Variants in CHRD observed in about 807,000 individuals in gnomAD.
The protein encoded by CHRD is chordin.
Under a neutral mutation model 113.7 loss-of-function variants are expected in CHRD, and 69 were observed. That is an observed-to-expected ratio of 0.61 (90% confidence interval 0.50 to 0.74). The LOEUF (loss-of-function observed/expected upper bound fraction) is 0.74. Among genes scored for constraint, CHRD ranks in the 30% least tolerant of loss-of-function variants. The pLI is 0.00. For synonymous variants in CHRD, 561 were observed against 540.8 expected (o/e 1.04, Z -0.52); for missense variants, 1,194 against 1,295.8 (o/e 0.92, Z 1.21).
At position 184,387,521 on chromosome 3, in the gene CHRD, C is replaced by G; in HGVS notation, c.2451+44C>G. ...CTCTGGTGCCATAACCCAGCGGGGT[C>G]TGCAGAGATGGGGAGGGGCTGCCAG... On this transcript the variant is annotated intron_variant, in intron 19 of 22. Coordinates refer to ENST00000204604, the Ensembl canonical transcript of CHRD. This position sits in a 1 kb window ranked among gnomAD's most constrained non-coding sequence, Gnocchi z 6.1. 1.3e-6 allele frequency: 2 copies of G among 1,526,948 alleles called. No individual in the cohort carries two copies. The highest frequency in any genetic ancestry group is 8.8e-7 in the Non-Finnish European group (1 of 1,132,908). The allele number at this position is 1,526,948 out of a possible 1,614,324, so 94.6% of individuals were successfully genotyped here.
At chr3:184,383,487 C>T (rs1715796916) in intron 11 of CHRD, 36 bp from the exon 12 acceptor site, 1 of 1,613,460 alleles carries the variant, frequency 6.2e-7, no homozygotes, top group Non-Finnish European at 8.5e-7. Context: ...CCTTTACTGC[C>T]TCTCCACTTT....
rs767049939 is a variant in CHRD at position 184,381,782 on chromosome 3, G to A, written c.578G>A (p.Arg193His). 4 of 1,613,270 alleles carry A rather than the reference G, an allele frequency of 2.5e-6. No homozygotes were observed. The highest frequency in any genetic ancestry group is 1.3e-5 in the African/African-American group (1 of 75,060). ...GCACGAGCCCGAGTCTCGCTGCTGC[G>A]CTCTAGCCTCCGCTTCTCTATCTCC... The change falls in exon 5 of 23, where the codon CGC (arginine) becomes CAC (histidine). Residue 193 changes from arginine to histidine, a missense_variant. Coordinates refer to ENST00000204604, the Ensembl canonical transcript of CHRD. This position sits in a 1 kb window ranked among gnomAD's most constrained non-coding sequence, Gnocchi z 4.7.
chr3:184,387,429 C>T lies in CHRD; in HGVS notation c.2403C>T (p.Pro801=), dbSNP rs144610754. ...GGGCAGCGGGTACGCGGTGGCACCC[C>T]GTTGTGCCCCCCTTTGGCTTAATTA... is the stretch of plus-strand genomic sequence containing the variant. Residue 801 remains proline (P), a synonymous_variant, in exon 19 of 23, where the codon CCC becomes CCT. Coordinates refer to ENST00000204604, the Ensembl canonical transcript of CHRD. This position sits in a 1 kb window ranked among gnomAD's most constrained non-coding sequence, Gnocchi z 6.1. 12 of 1,612,784 alleles carry T rather than the reference C, an allele frequency of 7.4e-6. No homozygotes were observed. The highest frequency in any genetic ancestry group is 5.3e-5 in the African/African-American group (4 of 74,856).
intron 14 of CHRD, among the ~76,000 whole-genome samples, chr3:184,385,482 C>T (rs1716130965): frequency 6.6e-6 from 1 of 152,012 alleles, no homozygotes; most frequent in African/African-American, 2.4e-5. Context: ...GCCTGACCAA[C>T]ATGGAGAAAC....
At chr3:184,389,435 G>C (rs1333274811) in exon 23 of CHRD, 1 of 1,612,644 alleles carries the variant, frequency 6.2e-7, no homozygotes, top group Non-Finnish European at 8.5e-7. Context: ...AGCAGCCAGA[G>C]GGCCAAGTGA....
Position 184,381,614 on chromosome 3 carries a change from C to A in CHRD, c.501C>A (p.Asp167Glu). Residue 167 changes from aspartate (D) to glutamate (E), a missense_variant, in exon 4 of 23, where the codon GAC becomes GAA. Coordinates refer to ENST00000204604, the Ensembl canonical transcript of CHRD. The surrounding 1 kb of genome is among the most constrained non-coding windows in gnomAD (Gnocchi z 4.7). ...GCGCTGAGGAGCGGGCCCGTGGTGACGGCCACACGGGTAGGGGGCTGGCGA... is the reference window on the plus strand; with the variant it reads ...GCGCTGAGGAGCGGGCCCGTGGTGAAGGCCACACGGGTAGGGGGCTGGCGA... 1 of 1,605,880 alleles carries A rather than the reference C, an allele frequency of 6.2e-7. No homozygotes were observed. The highest frequency in any genetic ancestry group is 8.5e-7 in the Non-Finnish European group (1 of 1,176,090).
chr3:184,385,234 CAGAGGTA>C lies in CHRD; in HGVS notation c.1817_1818+5del. ...CGGCTGCTGAAGGGATTCTATGGCT[CAGAGGTA>C]AGGATGTGATGGTAGGCGGCAGCTT... On this transcript the variant is annotated splice_donor_variant and splice_donor_region_variant and coding_sequence_variant and intron_variant, in exon 14 of 23. Coordinates refer to ENST00000204604, the Ensembl canonical transcript of CHRD. LOFTEE classifies it high-confidence loss of function. 1 of 1,612,068 alleles carries C rather than the reference CAGAGGTA, an allele frequency of 6.2e-7. No homozygotes were observed.
intron 11 of CHRD, 42 bp downstream of exon 11, chr3:184,383,460 G>A (rs1715792576): frequency 6.2e-7 from 1 of 1,613,076 alleles, no homozygotes; most frequent in Admixed American, 1.7e-5. Context: ...GGGGTGGCGT[G>A]GGCAGCAGGC....
rs1219623860 is a variant in CHRD, at chr3:184,380,853, G to A, written c.252+58G>A. ...GCGGGTGGGGAGCGCCGGGTCGCGC[G>A]GGCGTCGGAGTGGACTCGGAGCTGC... On this transcript the variant is annotated intron_variant, in intron 2 of 22. Transcript: ENST00000204604. The surrounding 1 kb of genome is among the most constrained non-coding windows in gnomAD (Gnocchi z 6.3). The A allele has an allele frequency of 2.4e-5, 32 of 1,335,890 alleles. No individual in the cohort carries two copies. Among genetic ancestry groups the A allele is most frequent in the Non-Finnish European group, 2.6e-5 (26 of 985,300 alleles). 82.8% of individuals were successfully genotyped at this position (1,335,890 alleles called of 1,614,324 possible). A position where few individuals can be genotyped will look rare whatever the true frequency, so the allele number is the denominator to read the frequency against.
chr3:184,380,819 C>G lies in CHRD; in HGVS notation c.252+24C>G. 1 of 1,530,420 alleles carries G rather than the reference C, an allele frequency of 6.5e-7. No homozygotes were observed. The highest frequency in any genetic ancestry group is 8.8e-7 in the Non-Finnish European group (1 of 1,142,754). 94.8% of individuals were successfully genotyped at this position (1,530,420 alleles called of 1,614,324 possible). ...CGGTGAGTGCACCCCGCGGCCGGCC[C>G]GGGCCCTGGCGGGTGGGGAGCGCCG... is the stretch of plus-strand genomic sequence containing the variant. On this transcript the variant is annotated intron_variant, in intron 2 of 22. Transcript: ENST00000204604. The surrounding 1 kb of genome is among the most constrained non-coding windows in gnomAD (Gnocchi z 6.3).
chr3:184,383,694 G>A (rs1715834103), intron 12 of CHRD, 52 bp downstream of exon 12: 1 of 1,543,486 alleles, frequency 6.5e-7, no homozygotes, highest in Non-Finnish European at 8.7e-7. Flanking sequence ...TGGGCTGTGG[G>A]AAGCCAGGTT....
At chr3:184,386,914 G>A (rs978387329) in exon 17 of CHRD, 53 of 1,614,076 alleles carry the variant, frequency 3.3e-5, no homozygotes, top group Non-Finnish European at 4.2e-5. Flanking sequence ...GCAGGCTCCC[G>A]ACCAGTGCTG....
chr3:184,384,821 A>G lies in CHRD; in HGVS notation c.1597+128A>G. On this transcript the variant is annotated intron_variant, in intron 13 of 22. Coordinates refer to ENST00000204604, the Ensembl canonical transcript of CHRD. The surrounding 1 kb of genome is among the most constrained non-coding windows in gnomAD (Gnocchi z 4.4). ...CCGGTTGCCATCTGAAGGTGGGGAC[A>G]TATAGGGTGGCCCTGCTGGCGGACT... The G allele has an allele frequency of 7.5e-7, 1 of 1,335,786 alleles. No homozygotes were observed. Among genetic ancestry groups the G allele is most frequent in the Middle Eastern group, 2.4e-4 (1 of 4,132 alleles). 82.7% of individuals were successfully genotyped at this position (1,335,786 alleles called of 1,614,324 possible).
At chr3:184,382,240 C>A in intron 6 of CHRD, 149 bp from the exon 7 acceptor site, 1 of 1,314,434 alleles carries the variant, frequency 7.6e-7, no homozygotes, top group South Asian at 1.3e-5. Flanking sequence ...GGAACCCAAG[C>A]ATCTGGCTCC....
At chr3:184,385,142 T>C (rs1327893322) in exon 14 of CHRD, 5 of 1,614,172 alleles carry the variant, frequency 3.1e-6, no homozygotes, top group Non-Finnish European at 4.2e-6. Context: ...TGGCTGGGCT[T>C]GGTGGCTCAG....
At position 184,384,403 on chromosome 3, in the gene CHRD, C is replaced by A; in HGVS notation, c.1441-134C>A. Reference sequence around the variant, plus strand: ...AGCAGGGGAGGGCCTTGAAACTGGGCCTGCCAGGTCCTTATCCTGTGTTTC... The same window carrying A: ...AGCAGGGGAGGGCCTTGAAACTGGGACTGCCAGGTCCTTATCCTGTGTTTC... On this transcript the variant is annotated intron_variant, in intron 12 of 22. Transcript: ENST00000204604. The surrounding 1 kb of genome is among the most constrained non-coding windows in gnomAD (Gnocchi z 4.4). 9.3e-7 allele frequency: 1 copy of A among 1,080,030 alleles called. No homozygotes were observed. Among genetic ancestry groups the A allele is most frequent in the Non-Finnish European group, 1.2e-6 (1 of 820,848 alleles). The allele number at this position is 1,080,030 out of a possible 1,614,324, so 66.9% of individuals were successfully genotyped here.
At chr3:184,385,883 A>T (rs778008459) in intron 14 of CHRD, among the ~76,000 whole-genome samples, 163 bp from the exon 15 acceptor site, 13 of 152,096 alleles carry the variant, frequency 8.5e-5, no homozygotes, top group Non-Finnish European at 1.9e-4. Flanking sequence ...GGACTTGGTC[A>T]GAGAGACCTG....
Position 184,384,609 on chromosome 3 carries a change from G to A in CHRD, c.1513G>A (p.Val505Met), listed in dbSNP as rs773870774. 23 of 1,609,738 alleles carry A rather than the reference G, an allele frequency of 1.4e-5. No individual in the cohort carries two copies. In the South Asian group the frequency reaches 1.8e-4, roughly 12 times the overall value. Residue 505 changes from valine to methionine, a missense_variant, in exon 13 of 23, where the codon GTG becomes ATG. Val to Met is a conservative substitution (Grantham distance 21). Coordinates refer to ENST00000204604, the Ensembl canonical transcript of CHRD. The surrounding 1 kb of genome is among the most constrained non-coding windows in gnomAD (Gnocchi z 4.4). ...GCTGCAGAATGAGCTCTTCCTGAAC[G>A]TGGGCACCAAGGACTTCCCAGACGG...
exon 23 of CHRD, chr3:184,389,770 G>A (rs564850312): frequency 4.0e-6 from 1 of 253,114 alleles, no homozygotes; most frequent in Admixed American, 4.6e-5. Context: ...TGCTGCCCCT[G>A]AGCTGAGCAG....
Sources: allele counts gnomAD v4.1 joint callset (sites outside exome capture counted in the v4.1 genomes callset), GRCh38; gene constraint gnomAD v4.1.1; non-coding constraint Gnocchi (gnomAD v3.1); transcripts MANE v1.5; gene names NCBI Gene and HGNC (gene_info 2026-07-23, HGNC 2026-07-21).